CALB2: variants seen among roughly 807,000 people sequenced by gnomAD.
The protein encoded by CALB2 is calretinin.
CALB2 carries 34 observed loss-of-function variants against 45.9 expected under a neutral mutation model. The observed-to-expected ratio is 0.74, with a 90% confidence interval of 0.56 to 0.99. CALB2 has a LOEUF of 0.99. Among genes scored for constraint, CALB2 ranks in the 50% least tolerant of loss-of-function variants. The pLI is 0.00. For synonymous variants in CALB2, 142 were observed against 129.6 expected (o/e 1.10, Z -0.65); for missense variants, 344 against 339.3 (o/e 1.01, Z -0.11).
chr16:71,372,187 C>G lies in CALB2; in HGVS notation c.129C>G (p.Asn43Lys). 6.2e-7 allele frequency: 1 copy of G among 1,612,152 alleles called. No individual in the cohort carries two copies. The highest frequency in any genetic ancestry group is 8.5e-7 in the Non-Finnish European group (1 of 1,179,102). ...NGYIEGKELE[N>K]FFQELEKARK... ...ATATTGAAGGTAAAGAGCTAGAAAA[C>G]TTTTTCCAAGAGCTGGAGAAGGCAA... The change falls in exon 2 of 11, where the codon AAC becomes AAG. Residue 43 changes from asparagine (N) to lysine (K), a missense_variant. This residue lies in a region of CALB2 where 77 missense variants were observed against 80.5 expected (regional missense o/e 0.96). Coordinates refer to ENST00000302628, the MANE Select transcript of CALB2 (RefSeq NM_001740.5).
chr16:71,382,032 G>GAGGAGGAGT (rs1491089837), intron 4 of CALB2, among the ~76,000 whole-genome samples: 3 of 128,312 alleles, frequency 2.3e-5, no homozygotes, highest in South Asian at 3.3e-4. Flanking sequence ...GGAGGAGGAG[G>GAGGAGGAGT]AGGAGGAGGA....
intron 2 of CALB2, among the ~76,000 whole-genome samples, chr16:71,373,992 T>C (rs2042381929): frequency 6.6e-6 from 1 of 152,106 alleles, no homozygotes; most frequent in Non-Finnish European, 1.5e-5. Flanking sequence ...ATCAGCTGAG[T>C]GAGGCAGAAA....
chr16:71,377,834 A>G, intron 4 of CALB2, 87 bp downstream of exon 4: 1 of 939,490 alleles, frequency 1.1e-6, no homozygotes, highest in South Asian at 1.4e-5. Context: ...CTGCCTGGTA[A>G]TGGTCCCTGG....
intron 1 of CALB2, among the ~76,000 whole-genome samples, chr16:71,360,047 C>T (rs1222364351): frequency 1.3e-5 from 2 of 152,244 alleles, no homozygotes; most frequent in African/African-American, 4.8e-5. Flanking sequence ...GCTCTGACAC[C>T]TGTCATTCAG....
In CALB2 at chr16:71,385,643, A is replaced by G; in HGVS notation, c.694A>G (p.Lys232Glu). 6.2e-7 allele frequency: 1 copy of G among 1,613,630 alleles called. No individual in the cohort carries two copies. Among genetic ancestry groups the G allele is most frequent in the Non-Finnish European group, 8.5e-7 (1 of 1,179,766 alleles). ...TTTGAAGGATCTGTACGAGAAAAAC[A>G]AAAAGGTGAGCAGCCAAGCCTGAGG... ...ALLKDLYEKN[K>E]KEMNIQQLTN... The change falls in exon 10 of 11, where the codon AAA becomes GAA. Residue 232 changes from lysine (K) to glutamate (E), a missense_variant. Lys to Glu is a moderately conservative substitution (Grantham distance 56, BLOSUM62 1). This residue lies in a region of CALB2 where 263 missense variants were observed against 241.7 expected (regional missense o/e 1.09). Transcript: ENST00000302628.
At chr16:71,368,705 G>A (rs2042313941) in intron 1 of CALB2, among the ~76,000 whole-genome samples, 1 of 151,966 alleles carries the variant, frequency 6.6e-6, no homozygotes, top group South Asian at 2.1e-4. Flanking sequence ...CCGTGTGTCT[G>A]GAAAGATTAT....
Position 71,384,110 on chromosome 16 carries a change from A to G in CALB2, c.533+85A>G. On this transcript the variant is annotated intron_variant, in intron 7 of 10. Coordinates refer to ENST00000302628, the MANE Select transcript of CALB2 (RefSeq NM_001740.5). Reference sequence around the variant, plus strand: ...CCGTCTCTGAGATCCATTGGTGGGAAAGTGACAGGTGCGGGTGTCAAGAAG... The same window carrying G: ...CCGTCTCTGAGATCCATTGGTGGGAGAGTGACAGGTGCGGGTGTCAAGAAG... 9 of 1,453,122 alleles carry G rather than the reference A, an allele frequency of 6.2e-6. No homozygotes were observed. The South Asian group carries it at 9.1e-5, about 15-fold the overall frequency. The allele number at this position is 1,453,122 out of a possible 1,614,324, so 90.0% of individuals were successfully genotyped here.
chr16:71,384,366 G>C lies in CALB2; in HGVS notation c.561G>C (p.Leu187=), dbSNP rs1370429422. 1 of 1,607,996 alleles carries C rather than the reference G, an allele frequency of 6.2e-7. No individual in the cohort carries two copies. Among genetic ancestry groups the C allele is most frequent in the Non-Finnish European group, 8.5e-7 (1 of 1,178,136 alleles). ...SRLLPVQENF[L]LKFQGMKLTS... is the part of the protein sequence containing the mutation. Reference sequence around the variant, plus strand: ...TCCTGCCTGTCCAGGAAAACTTCCTGCTTAAATTTCAGGTAAAACTTTGCT... The same window carrying C: ...TCCTGCCTGTCCAGGAAAACTTCCTCCTTAAATTTCAGGTAAAACTTTGCT... Residue 187 remains leucine (L), a synonymous_variant, in exon 8 of 11, where the codon CTG becomes CTC. Transcript: ENST00000302628.
At chr16:71,372,425 G>A (rs73571852) in intron 2 of CALB2, among the ~76,000 whole-genome samples, 196 bp downstream of exon 2, 1,803 of 152,210 alleles carry the variant, frequency 0.012, 38 homozygotes, top group African/African-American at 0.04. Flanking sequence ...GGGATTGAGG[G>A]GTATTCATGA....
chr16:71,384,187 TCTCC>T (rs2042536430), intron 7 of CALB2, 148 bp from the exon 8 acceptor site: 1 of 990,066 alleles, frequency 1.0e-6, no homozygotes. Flanking sequence ...ACCTTGTCTG[TCTCC>T]CTCGTTTTTG....
At chr16:71,374,334 C>A (rs1327316629) in intron 2 of CALB2, among the ~76,000 whole-genome samples, 2 of 152,158 alleles carry the variant, frequency 1.3e-5, no homozygotes, top group Non-Finnish European at 2.9e-5. Context: ...TAATGAAGTG[C>A]TTAGAACCTA....
chr16:71,382,597 T>G (rs2042512190), intron 4 of CALB2, 122 bp from the exon 5 acceptor site: 1 of 886,384 alleles, frequency 1.1e-6, no homozygotes, highest in Non-Finnish European at 1.8e-6. Flanking sequence ...TCTCCATGTC[T>G]CCATCCCATT....
chr16:71,382,032 GAGGAGGAGGAGT>G lies in CALB2; in HGVS notation c.343-675_343-664del, dbSNP rs1180951952. Among the ~76,000 whole-genome samples the G allele has an allele frequency of 1.4e-3, 181 of 128,304 alleles. 1 individual carries two copies. Among genetic ancestry groups the G allele is most frequent in the African/African-American group, 5.1e-3 (177 of 34,708 alleles). 84.2% of individuals were successfully genotyped at this position (128,304 alleles called of 152,430 possible). On this transcript the variant is annotated intron_variant, in intron 4 of 10. Transcript: ENST00000302628. ...TGTCTCAAAAGAGGAGGAGGAGGAG[GAGGAGGAGGAGT>G]AGGAGGAGGAGGAGAGGGGGAGGGG...
chr16:71,377,559 C>A, intron 3 of CALB2, 108 bp from the exon 4 acceptor site: 1 of 709,734 alleles, frequency 1.4e-6, no homozygotes, highest in Non-Finnish European at 2.5e-6. Context: ...AAACGCAATT[C>A]CCACACTGCC....
intron 1 of CALB2, among the ~76,000 whole-genome samples, chr16:71,360,709 T>C (rs1443977833): frequency 2.0e-5 from 3 of 152,202 alleles, no homozygotes; most frequent in African/African-American, 7.2e-5. Context: ...CGCAGATCCT[T>C]ACGTTGATCT....
At chr16:71,371,712 T>G (rs554844688) in intron 1 of CALB2, among the ~76,000 whole-genome samples, 77 of 152,274 alleles carry the variant, frequency 5.1e-4, no homozygotes, top group African/African-American at 1.7e-3. Context: ...TAATGACATC[T>G]GCAATGACCC....
In CALB2 at chr16:71,383,985, T is replaced by C. The variant is rs2042533767; in HGVS notation, c.493T>C (p.Leu165=). The stretch of plus-strand genomic sequence containing the variant: ...TCCCCAACAGCTACGGATGTTTGAC[T>C]TGAACGGGGATGGCAAATTGGGCCT... ...YTQTILRMFD[L]NGDGKLGLSE... Residue 165 remains leucine, a synonymous_variant, in exon 7 of 11, where the codon TTG becomes CTG. Coordinates refer to ENST00000302628, the MANE Select transcript of CALB2 (RefSeq NM_001740.5). 5.6e-6 allele frequency: 9 copies of C among 1,613,774 alleles called. No homozygotes were observed. Among genetic ancestry groups the C allele is most frequent in the Non-Finnish European group, 6.8e-6 (8 of 1,179,878 alleles).
At chr16:71,381,208 T>G (rs2042487467) in intron 4 of CALB2, among the ~76,000 whole-genome samples, 1 of 152,226 alleles carries the variant, frequency 6.6e-6, no homozygotes, top group Non-Finnish European at 1.5e-5. Flanking sequence ...TGCGAGTTGT[T>G]GGTGAAGTCA....
intron 3 of CALB2, among the ~76,000 whole-genome samples, chr16:71,377,211 CTTGAG>C (rs2144979537): frequency 6.6e-6 from 1 of 152,234 alleles, no homozygotes; most frequent in Admixed American, 6.5e-5. Flanking sequence ...TGTAAAATTC[CTTGAG>C]TTTAGATTTT....
Sources: gnomAD v4.1 joint callset for allele counts (sites outside exome capture counted in the v4.1 genomes callset) on GRCh38, gnomAD v4.1.1 for gene constraint, gnomAD v4.1.1 regional missense constraint, MANE v1.5 for transcripts, NCBI Gene and HGNC (gene_info 2026-07-23, HGNC 2026-07-21) for gene names.